Variants in HTR4 observed in about 807,000 individuals in gnomAD.
HTR4 encodes 5-hydroxytryptamine receptor 4.
HTR4 carries 16 observed loss-of-function variants against 36.8 expected under a neutral mutation model. The observed-to-expected ratio is 0.43, with a 90% CI of 0.29 to 0.66. The LOEUF is 0.66. Ranked by LOEUF, HTR4 falls within the 30% of genes least tolerant of loss-of-function variation. The probability of loss-of-function intolerance (pLI) is 0.13; values close to 1 mark genes in which losing one functional copy is unlikely to be tolerated. For missense variants in HTR4, 438 were observed against 490.9 expected, an observed-to-expected ratio of 0.89 and a Z score of 1.02; for synonymous variants, 189 against 185.1, an observed-to-expected ratio of 1.02 and a Z score of -0.17.
chr5:148,613,880 A>G (rs1581547339), intron 2 of HTR4, among the ~76,000 whole-genome samples: 1 of 152,318 alleles, frequency 6.6e-6, no homozygotes, highest in Non-Finnish European at 1.5e-5. Context: ...ATTCCTATAT[A>G]CCAACAACAG....
intron 2 of HTR4, among the ~76,000 whole-genome samples, chr5:148,609,435 C>T (rs1404700835): frequency 6.6e-6 from 1 of 152,104 alleles, no homozygotes; most frequent in Non-Finnish European, 1.5e-5. Context: ...AACATCATGG[C>T]TCCCCAAAAT....
chr5:148,543,987 G>A (rs1002671883), intron 4 of HTR4, among the ~76,000 whole-genome samples: 5 of 152,164 alleles, frequency 3.3e-5, no homozygotes, highest in African/African-American at 1.2e-4. Flanking sequence ...AGAGAACTGA[G>A]GAATGTGCCA....
chr5:148,543,452 G>T (rs764577682), intron 4 of HTR4, among the ~76,000 whole-genome samples: 7 of 152,176 alleles, frequency 4.6e-5, no homozygotes, highest in Non-Finnish European at 8.8e-5. Context: ...GCTGCTGAAA[G>T]AAACCTTGCT....
chr5:148,624,687 C>G (rs1164088350), intron 2 of HTR4, among the ~76,000 whole-genome samples: 1 of 152,160 alleles, frequency 6.6e-6, no homozygotes, highest in East Asian at 1.9e-4. Flanking sequence ...AATCCCGTAG[C>G]CTCAGATTCC....
chr5:148,494,591 C>A (rs989934206), intron 6 of HTR4, among the ~76,000 whole-genome samples: 1 of 152,276 alleles, frequency 6.6e-6, no homozygotes. Context: ...ATAGCACATC[C>A]AATAGAATTG....
chr5:148,582,114 C>CT (rs931045346), intron 2 of HTR4, among the ~76,000 whole-genome samples: 25 of 151,520 alleles, frequency 1.6e-4, no homozygotes, highest in African/African-American at 5.8e-4. Flanking sequence ...GTTTTCTTGA[C>CT]TTTTTTTTGG....
At position 148,615,218 on chromosome 5, in the gene HTR4, G is replaced by T. The variant is rs1286070352; in HGVS notation, c.26+21771C>A. Among the ~76,000 whole-genome samples, 4 of 152,200 alleles carry T rather than the reference G, an allele frequency of 2.6e-5. No individual in the cohort carries two copies. The South Asian group carries it at 8.3e-4, about 32-fold the overall frequency. On this transcript the variant is annotated intron_variant, in intron 2 of 6. Coordinates refer to ENST00000377888, the MANE Select transcript of HTR4 (RefSeq NM_000870.7). Reference sequence around the variant, plus strand: ...GGACTATAAATCATGTTGCTATAAAGACACATGCACACGTATGTTTATTGC... The same window carrying T: ...GGACTATAAATCATGTTGCTATAAATACACATGCACACGTATGTTTATTGC...
At chr5:148,503,475 A>C (rs1308624354) in intron 6 of HTR4, among the ~76,000 whole-genome samples, 1 of 152,220 alleles carries the variant, frequency 6.6e-6, no homozygotes. Context: ...CCAGCCCTAA[A>C]AGAGCTCCTT....
chr5:148,643,746 G>A (rs1753794329), intron 1 of HTR4, among the ~76,000 whole-genome samples: 1 of 152,182 alleles, frequency 6.6e-6, no homozygotes, highest in Non-Finnish European at 1.5e-5. Context: ...TGGGTGCAAG[G>A]CTCAGGAGGA....
chr5:148,525,430 C>A (rs987029681), intron 4 of HTR4, among the ~76,000 whole-genome samples: 6 of 152,040 alleles, frequency 3.9e-5, no homozygotes, highest in South Asian at 2.1e-4. Flanking sequence ...CACTTCAAAT[C>A]CTTCGGGAGT....
chr5:148,534,829 C>T (rs1393343682), intron 4 of HTR4, among the ~76,000 whole-genome samples: 1 of 152,022 alleles, frequency 6.6e-6, no homozygotes, highest in African/African-American at 2.4e-5. Flanking sequence ...AGCAAAAGAC[C>T]CTTGTCCACA....
chr5:148,572,739 G>A (rs1332631511), intron 2 of HTR4, among the ~76,000 whole-genome samples: 1 of 151,914 alleles, frequency 6.6e-6, no homozygotes, highest in Non-Finnish European at 1.5e-5. Context: ...CTTTTCTTTA[G>A]TACTCTTGAC....
At chr5:148,610,287 T>A (rs1752367388) in intron 2 of HTR4, among the ~76,000 whole-genome samples, 1 of 152,188 alleles carries the variant, frequency 6.6e-6, no homozygotes, top group Non-Finnish European at 1.5e-5. Flanking sequence ...CCATCTGAGC[T>A]TTGAAGAGAG....
chr5:148,641,792 C>T (rs1330806968), intron 1 of HTR4, among the ~76,000 whole-genome samples: 2 of 152,160 alleles, frequency 1.3e-5, no homozygotes, highest in South Asian at 2.1e-4. Flanking sequence ...TAAGTGCATC[C>T]CATCTTTACC....
At chr5:148,576,996 C>T (rs1047411866) in intron 2 of HTR4, among the ~76,000 whole-genome samples, 10 of 152,116 alleles carry the variant, frequency 6.6e-5, no homozygotes, top group Admixed American at 2.6e-4. Flanking sequence ...AGAGCTTCTG[C>T]ACAACAATGA....
intron 2 of HTR4, among the ~76,000 whole-genome samples, chr5:148,580,349 G>A (rs1292495387): frequency 3.3e-5 from 5 of 151,852 alleles, no homozygotes; most frequent in Admixed American, 2.6e-4. Context: ...CACTCATGTC[G>A]CCATCACTAT....
intron 5 of HTR4, among the ~76,000 whole-genome samples, chr5:148,459,998 A>G (rs1447620123): frequency 7.2e-5 from 11 of 152,306 alleles, no homozygotes; most frequent in African/African-American, 2.6e-4. Flanking sequence ...CACTGCTGCA[A>G]AAATGAAGAC....
At chr5:148,574,451 A>C (rs1760809318) in intron 2 of HTR4, among the ~76,000 whole-genome samples, 1 of 151,960 alleles carries the variant, frequency 6.6e-6, no homozygotes, top group Non-Finnish European at 1.5e-5. Flanking sequence ...TCAACATCTG[A>C]ATGCAGCCTT....
At chr5:148,590,281 TCTTTTC>T in intron 2 of HTR4, among the ~76,000 whole-genome samples, 1 of 142,298 alleles carries the variant, frequency 7.0e-6, no homozygotes, top group Non-Finnish European at 1.5e-5. Context: ...TTTTCTTTTT[TCTTTTC>T]TTTTTTTTTT....
Sources: allele counts gnomAD v4.1 joint callset (sites outside exome capture counted in the v4.1 genomes callset), GRCh38; gene constraint gnomAD v4.1.1; transcripts MANE v1.5; gene names NCBI Gene and HGNC (gene_info 2026-07-23, HGNC 2026-07-21).